Variants in DOCK4 observed in about 807,000 individuals in gnomAD.
DOCK4 encodes dedicator of cytokinesis 4, also known as dedicator of cytokinesis protein 4.
In DOCK4, 97 loss-of-function variants were observed where a neutral mutation model predicts 268.1. The ratio of observed to expected loss-of-function variants is 0.36; its 90% CI spans 0.31 to 0.43. DOCK4 has a LOEUF of 0.43. Among genes scored for constraint, DOCK4 ranks in the 20% least tolerant of loss-of-function variants. The pLI, the probability that DOCK4 is intolerant of heterozygous loss-of-function variation, is 1.00. For missense variants in DOCK4, 2,145 were observed against 2,455.7 expected (o/e 0.87, Z 2.67); for synonymous variants, 954 against 887.2 (o/e 1.08, Z -1.34).
At chr7:111,877,594 A>G (rs890875652) in intron 16 of DOCK4, among the ~76,000 whole-genome samples, 3 of 152,192 alleles carry the variant, frequency 2.0e-5, no homozygotes, top group African/African-American at 7.2e-5. Context: ...AAAAACACTT[A>G]AATTCTTCCA....
intron 26 of DOCK4, among the ~76,000 whole-genome samples, chr7:111,823,932 C>CT (rs1197582064): frequency 1.2e-4 from 18 of 152,126 alleles, no homozygotes; most frequent in African/African-American, 3.4e-4. Context: ...GCTTTATTTT[C>CT]TTTTTATATA....
At chr7:112,177,138 C>T (rs1818606336) in intron 1 of DOCK4, among the ~76,000 whole-genome samples, 1 of 152,196 alleles carries the variant, frequency 6.6e-6, no homozygotes, top group African/African-American at 2.4e-5. Flanking sequence ...ATGATCCTCG[C>T]AGAGTGGTGC....
chr7:111,819,305 G>T (rs1046767788), intron 27 of DOCK4: 2 of 152,152 alleles, frequency 1.3e-5, no homozygotes, highest in Non-Finnish European at 2.9e-5. Context: ...AGGGGGTGGA[G>T]AGAAGCTTGT....
At chr7:112,167,172 G>A (rs919284172) in intron 1 of DOCK4, among the ~76,000 whole-genome samples, 12 of 152,158 alleles carry the variant, frequency 7.9e-5, no homozygotes, top group African/African-American at 2.7e-4. Context: ...ATTCTTCGGG[G>A]AACAAAACTA....
chr7:111,881,715 T>C (rs1807407134), intron 16 of DOCK4, among the ~76,000 whole-genome samples: 1 of 152,208 alleles, frequency 6.6e-6, no homozygotes, highest in Non-Finnish European at 1.5e-5. Context: ...GAAAATGTGG[T>C]ACATGGATAC....
intron 1 of DOCK4, among the ~76,000 whole-genome samples, chr7:112,160,471 G>C (rs1375646122): frequency 6.6e-6 from 1 of 152,146 alleles, no homozygotes; most frequent in African/African-American, 2.4e-5. Flanking sequence ...AATTTTCCCT[G>C]AAGAGAATGA....
chr7:111,976,275 A>G (rs1414996906), intron 8 of DOCK4, among the ~76,000 whole-genome samples: 2 of 4,380 alleles, frequency 4.6e-4, no homozygotes, highest in Non-Finnish European at 8.1e-4. Context: ...TCTATTATAT[A>G]TATATATATA....
intron 26 of DOCK4, among the ~76,000 whole-genome samples, chr7:111,832,156 C>T (rs983246487): frequency 2.6e-5 from 4 of 152,066 alleles, no homozygotes; most frequent in African/African-American, 4.8e-5. Flanking sequence ...CTGTGTCAGT[C>T]GGGGCATTCA....
At chr7:111,944,718 T>A (rs779183643) in intron 10 of DOCK4, 93 bp downstream of exon 10, 50 of 1,232,040 alleles carry the variant, frequency 4.1e-5, no homozygotes, top group Non-Finnish European at 5.6e-5. Flanking sequence ...TCTTTCTGAT[T>A]CAGACAGCAA....
intron 1 of DOCK4, among the ~76,000 whole-genome samples, chr7:112,204,593 C>T (rs1040120587): frequency 6.6e-6 from 1 of 152,172 alleles, no homozygotes; most frequent in African/African-American, 2.4e-5. Context: ...AGCTGGAAAC[C>T]TTTCCCAAAG....
chr7:111,789,739 T>C (rs1355593682), intron 31 of DOCK4, among the ~76,000 whole-genome samples: 2 of 152,098 alleles, frequency 1.3e-5, no homozygotes, highest in Non-Finnish European at 2.9e-5. Flanking sequence ...ATTCCTGAGA[T>C]TTGAGGGAGG....
chr7:112,043,661 C>A (rs74763881), intron 1 of DOCK4, among the ~76,000 whole-genome samples: 2,448 of 151,980 alleles, frequency 0.016, 38 homozygotes, highest in Non-Finnish European at 0.028. Flanking sequence ...ATTACAAGCA[C>A]CAGTAGATGC....
chr7:111,952,106 A>AAC (rs1470978232), intron 8 of DOCK4, among the ~76,000 whole-genome samples: 1 of 151,998 alleles, frequency 6.6e-6, no homozygotes, highest in African/African-American at 2.4e-5. Flanking sequence ...AAAAAAAAAA[A>AAC]ATCAACCAAA....
chr7:111,846,277 G>A (rs1804093675), intron 24 of DOCK4, among the ~76,000 whole-genome samples: 2 of 152,276 alleles, frequency 1.3e-5, no homozygotes, highest in South Asian at 4.1e-4. Flanking sequence ...ACCTGTTACC[G>A]ATGAGCAAAA....
At position 111,769,609 on chromosome 7, in the gene DOCK4, G is replaced by A; in HGVS notation, c.3748C>T (p.Leu1250=). 3 of 1,613,858 alleles carry A rather than the reference G, an allele frequency of 1.9e-6. No individual in the cohort carries two copies. The highest frequency in any genetic ancestry group is 2.5e-6 in the Non-Finnish European group (3 of 1,179,834). ...EWSDRPLREF[L]TYPMQTEWQR... ...CATTCTGTTTGCATGGGGTAGGTCA[G>A]GAACTCCCTGAGGGGCCGATCAGAC... is the stretch of plus-strand genomic sequence containing the variant. Residue 1250 remains leucine, a synonymous_variant, in exon 37 of 53, where the codon CTG becomes TTG. Transcript: ENST00000428084.
chr7:112,009,417 A>C (rs541896138), intron 1 of DOCK4, among the ~76,000 whole-genome samples: 5 of 152,302 alleles, frequency 3.3e-5, no homozygotes, highest in Admixed American at 2.6e-4. Flanking sequence ...TGGCAAAAGG[A>C]AACTGTTGTT....
intron 42 of DOCK4, among the ~76,000 whole-genome samples, chr7:111,750,819 T>G (rs1327057214): frequency 1.3e-5 from 2 of 152,180 alleles, no homozygotes; most frequent in Non-Finnish European, 2.9e-5. Context: ...AGATGGAACA[T>G]TTTTAAATTT....
intron 30 of DOCK4, among the ~76,000 whole-genome samples, chr7:111,791,293 A>G (rs1035060853): frequency 6.6e-6 from 1 of 150,892 alleles, no homozygotes; most frequent in Admixed American, 6.6e-5. Flanking sequence ...ACACACACAC[A>G]CACACACACA....
chr7:111,922,215 T>C (rs1188604891), intron 12 of DOCK4, among the ~76,000 whole-genome samples: 1 of 152,226 alleles, frequency 6.6e-6, no homozygotes, highest in Non-Finnish European at 1.5e-5. Flanking sequence ...AGAGGTTATA[T>C]TGCTATCTTA....
Sources: allele counts gnomAD v4.1 joint callset (sites outside exome capture counted in the v4.1 genomes callset), GRCh38; gene constraint gnomAD v4.1.1; transcripts MANE v1.5; gene names NCBI Gene and HGNC (gene_info 2026-07-23, HGNC 2026-07-21).